Variants in GABRB2 observed in about 807,000 individuals in gnomAD.
GABRB2 encodes gamma-aminobutyric acid type A receptor subunit beta2.
GABRB2 carries 16 observed loss-of-function variants against 54.7 expected under a neutral mutation model. The observed-to-expected ratio is 0.29, with a 90% CI of 0.20 to 0.44. The LOEUF is 0.44. Among genes scored for constraint, GABRB2 ranks in the 20% least tolerant of loss-of-function variants. GABRB2 has a pLI of 1.00. For missense variants in GABRB2, 355 were observed against 644.0 expected, an observed-to-expected ratio of 0.55 and a Z score of 4.86; for synonymous variants, 244 against 233.8, an observed-to-expected ratio of 1.04 and a Z score of -0.40.
intron 4 of GABRB2, among the ~76,000 whole-genome samples, chr5:161,440,413 C>T (rs1396961667): frequency 3.3e-5 from 5 of 152,098 alleles, no homozygotes; most frequent in East Asian, 3.9e-4. Context: ...TCCATGCCAG[C>T]GGAAACCAAA....
At chr5:161,390,584 C>A (rs2113034242) in intron 5 of GABRB2, among the ~76,000 whole-genome samples, 1 of 152,080 alleles carries the variant, frequency 6.6e-6, no homozygotes, top group East Asian at 1.9e-4. Flanking sequence ...TGATGACTGC[C>A]CCATGGTCAT....
chr5:161,435,966 T>C (rs1447040843), intron 4 of GABRB2, among the ~76,000 whole-genome samples: 3 of 152,142 alleles, frequency 2.0e-5, no homozygotes, highest in African/African-American at 7.2e-5. Context: ...ATAAAGAGGA[T>C]CTTTTTGTCA....
chr5:161,305,005 T>A (rs1225001631), intron 9 of GABRB2, among the ~76,000 whole-genome samples: 1 of 96,378 alleles, frequency 1.0e-5, no homozygotes, highest in Non-Finnish European at 1.9e-5. Context: ...ATATCAATTT[T>A]TTTTTTTTTT....
intron 3 of GABRB2, among the ~76,000 whole-genome samples, chr5:161,516,180 T>C (rs1759941571): frequency 6.6e-6 from 1 of 152,200 alleles, no homozygotes; most frequent in South Asian, 2.1e-4. Context: ...ATTAAAGACT[T>C]TTTTTACTGT....
chr5:161,333,099 A>AT (rs1184756228), intron 7 of GABRB2, among the ~76,000 whole-genome samples: 1 of 152,234 alleles, frequency 6.6e-6, no homozygotes, highest in Non-Finnish European at 1.5e-5. Flanking sequence ...CTAGTAATAA[A>AT]TTGCTCACAT....
In GABRB2 at chr5:161,353,021, T is replaced by C. The variant is rs1260518336; in HGVS notation, c.542-16252A>G. 3.3e-5 allele frequency among the ~76,000 whole-genome samples: 5 copies of C among 152,132 alleles called. No individual in the cohort carries two copies. The East Asian group carries it at 9.7e-4, about 29-fold the overall frequency. On this transcript the variant is annotated intron_variant, in intron 5 of 9. Transcript: ENST00000393959. The stretch of plus-strand genomic sequence containing the variant: ...ATACTGCTTATATTTTCCATGTTGT[T>C]CTAAGAACTATAGAAAATACCTGCA...
intron 8 of GABRB2, chr5:161,330,484 G>A (rs1239977965): frequency 6.4e-6 from 1 of 157,450 alleles, no homozygotes; most frequent in Non-Finnish European, 1.4e-5. Context: ...TAATGATATA[G>A]TTTTTTAAAT....
intron 5 of GABRB2, among the ~76,000 whole-genome samples, chr5:161,399,380 AG>A (rs1756111041): frequency 6.6e-6 from 1 of 152,112 alleles, no homozygotes; most frequent in Non-Finnish European, 1.5e-5. Context: ...AGACTCCGCC[AG>A]TCAGATGTAC....
chr5:161,501,986 A>G (rs1354575381), intron 3 of GABRB2, among the ~76,000 whole-genome samples: 3 of 148,844 alleles, frequency 2.0e-5, no homozygotes, highest in African/African-American at 4.9e-5. Context: ...TACACATTTT[A>G]AATTATAATT....
intron 3 of GABRB2, among the ~76,000 whole-genome samples, chr5:161,504,773 T>A (rs1759552985): frequency 7.0e-6 from 1 of 143,444 alleles, no homozygotes; most frequent in Non-Finnish European, 1.5e-5. Context: ...AAAAGGTATA[T>A]CACCACAGAT....
chr5:161,334,932 A>G (rs1189171469), intron 6 of GABRB2, 28 bp from the exon 7 acceptor site: 2 of 1,605,960 alleles, frequency 1.2e-6, no homozygotes, highest in East Asian at 2.2e-5. Flanking sequence ...GAACATCATC[A>G]TTATCAATCA....
chr5:161,330,800 T>C, intron 8 of GABRB2, 83 bp downstream of exon 8: 1 of 1,572,416 alleles, frequency 6.4e-7, no homozygotes, highest in Non-Finnish European at 8.7e-7. Flanking sequence ...GTTTCCTCAT[T>C]TGCTCAACAA....
chr5:161,360,022 G>A (rs1168877594), intron 5 of GABRB2, among the ~76,000 whole-genome samples: 1 of 151,970 alleles, frequency 6.6e-6, no homozygotes, highest in Non-Finnish European at 1.5e-5. Context: ...CGGAGGTTGT[G>A]CAGCAAGGCA....
At chr5:161,330,581 G>A (rs1753808776) in intron 8 of GABRB2, 1 of 230,936 alleles carries the variant, frequency 4.3e-6, no homozygotes, top group Non-Finnish European at 8.4e-6. Context: ...TAAATTAGGT[G>A]AATAAATTTA....
intron 9 of GABRB2, among the ~76,000 whole-genome samples, chr5:161,302,243 G>T (rs1480862297): frequency 6.6e-6 from 1 of 152,104 alleles, no homozygotes; most frequent in Non-Finnish European, 1.5e-5. Flanking sequence ...CCCTCTTTCT[G>T]TGTCTATCCT....
intron 9 of GABRB2, among the ~76,000 whole-genome samples, chr5:161,300,886 A>G (rs1252920428): frequency 1.3e-5 from 2 of 152,206 alleles, no homozygotes; most frequent in Non-Finnish European, 2.9e-5. Flanking sequence ...CACAGTCCAC[A>G]CCACCAAGCT....
At chr5:161,437,646 C>T (rs1285394472) in intron 4 of GABRB2, among the ~76,000 whole-genome samples, 1 of 152,070 alleles carries the variant, frequency 6.6e-6, no homozygotes, top group East Asian at 1.9e-4. Flanking sequence ...CTGGACCTGC[C>T]CTGGGCCAGA....
chr5:161,543,666 G>A (rs1201362135), intron 3 of GABRB2, among the ~76,000 whole-genome samples: 4 of 152,094 alleles, frequency 2.6e-5, no homozygotes, highest in Admixed American at 2.6e-4. Context: ...ACATTCCTGA[G>A]ACATAAGAAG....
At chr5:161,310,998 G>T (rs889919502) in intron 9 of GABRB2, among the ~76,000 whole-genome samples, 7 of 152,142 alleles carry the variant, frequency 4.6e-5, no homozygotes, top group African/African-American at 1.7e-4. Flanking sequence ...CTCACCTCGT[G>T]ATCTGCCCGC....
Sources: allele counts gnomAD v4.1 joint callset (sites outside exome capture counted in the v4.1 genomes callset), GRCh38; gene constraint gnomAD v4.1.1; transcripts MANE v1.5; gene names NCBI Gene and HGNC (gene_info 2026-07-23, HGNC 2026-07-21).